The following CSRNP3 variants were observed in gnomAD, a reference collection of about 807,000 sequenced individuals.
CSRNP3 encodes the protein cysteine and serine rich nuclear protein 3.
In CSRNP3, 12 loss-of-function variants were observed where a neutral mutation model predicts 48.0. That is an observed-to-expected ratio of 0.25 (90% CI 0.16 to 0.41). CSRNP3 has a LOEUF of 0.41. CSRNP3 is among the 10% of genes least tolerant of loss of function. CSRNP3 has a pLI of 1.00. For synonymous variants in CSRNP3, 263 were observed against 269.7 expected (o/e 0.98, Z 0.24); for missense variants, 580 against 724.4 (o/e 0.80, Z 2.29).
intron 3 of CSRNP3, among the ~76,000 whole-genome samples, chr2:165,520,790 T>TATATATATATATTATATAC (rs1558923544): frequency 4.3e-4 from 7 of 16,160 alleles, no homozygotes; most frequent in African/African-American, 2.9e-3. Context: ...ATATTATATA[T>TATATATATATATTATATAC]ATATATATAT....
intron 4 of CSRNP3, among the ~76,000 whole-genome samples, chr2:165,625,657 C>T (rs532954287): frequency 6.0e-5 from 9 of 149,588 alleles, no homozygotes; most frequent in Admixed American, 1.3e-4. Context: ...AAAAAAGAAA[C>T]GAAAAATATG....
chr2:165,516,072 C>T (rs139983938), intron 2 of CSRNP3, among the ~76,000 whole-genome samples: 25 of 152,136 alleles, frequency 1.6e-4, no homozygotes, highest in Middle Eastern at 3.4e-3. Context: ...TCCCAAAGTG[C>T]GGGGGTTACA....
At chr2:165,574,246 C>A in intron 3 of CSRNP3, 1 of 711,128 alleles carries the variant, frequency 1.4e-6, no homozygotes, top group Non-Finnish European at 2.3e-6. Flanking sequence ...ACTGCAGAAG[C>A]GAGAGGAGGG....
chr2:165,526,581 A>G (rs1684734605), intron 3 of CSRNP3, among the ~76,000 whole-genome samples: 2 of 152,238 alleles, frequency 1.3e-5, no homozygotes, highest in South Asian at 4.1e-4. Context: ...GCTTTGGGAA[A>G]CAATATAGCA....
At chr2:165,473,589 T>C (rs909579591) in intron 1 of CSRNP3, among the ~76,000 whole-genome samples, 1 of 152,198 alleles carries the variant, frequency 6.6e-6, no homozygotes, top group African/African-American at 2.4e-5. Context: ...TAATACCTGA[T>C]AGTTTAATAC....
At chr2:165,646,832 C>CT (rs952489035) in intron 4 of CSRNP3, among the ~76,000 whole-genome samples, 1 of 151,918 alleles carries the variant, frequency 6.6e-6, no homozygotes, top group Non-Finnish European at 1.5e-5. Context: ...TAACAACTAC[C>CT]TTTTTTTCCC....
In CSRNP3 at chr2:165,504,532, T is replaced by C. The variant is rs1208416781; in HGVS notation, c.-113+9604T>C. Among the ~76,000 whole-genome samples, 9 of 152,084 alleles carry C rather than the reference T, an allele frequency of 5.9e-5. No individual in the cohort carries two copies. The East Asian group carries it at 1.7e-3, about 29-fold the overall frequency. On this transcript the variant is annotated intron_variant, in intron 2 of 6. Transcript: ENST00000651982. ...CTTTCTATAAGAAAATAAAAATAAT[T>C]TTTTCACTTCCATGCCATGTAACAA...
At chr2:165,532,131 CAA>C (rs1240794940) in intron 3 of CSRNP3, among the ~76,000 whole-genome samples, 1 of 152,112 alleles carries the variant, frequency 6.6e-6, no homozygotes, top group Non-Finnish European at 1.5e-5. Flanking sequence ...ACCAGAGGTA[CAA>C]AGAGGAGCTG....
At chr2:165,642,879 T>G (rs1225187594) in intron 4 of CSRNP3, among the ~76,000 whole-genome samples, 1 of 152,192 alleles carries the variant, frequency 6.6e-6, no homozygotes, top group African/African-American at 2.4e-5. Flanking sequence ...TCTTTATGAC[T>G]TTATTTTTCA....
At chr2:165,480,175 TC>T (rs1684021083) in intron 1 of CSRNP3, among the ~76,000 whole-genome samples, 1 of 152,158 alleles carries the variant, frequency 6.6e-6, no homozygotes, top group Non-Finnish European at 1.5e-5. Flanking sequence ...ACAGAGAATC[TC>T]TCTCTCATCG....
At chr2:165,522,298 T>TCAAA (rs141311752) in intron 3 of CSRNP3, among the ~76,000 whole-genome samples, 26,418 of 151,304 alleles carry the variant, frequency 0.17, 2,464 homozygotes, top group Non-Finnish European at 0.2. Context: ...AGGCCTTGTC[T>TCAAA]CAAACAAACA....
rs1382087659 is a variant in CSRNP3, at chr2:165,679,818, T to C, written c.*65T>C. On this transcript the variant is annotated 3_prime_UTR_variant, in exon 7 of 7. Coordinates refer to ENST00000651982, the MANE Select transcript of CSRNP3 (RefSeq NM_001172173.2). ...AGGCACTGTATTTAATTGGATTTCC[T>C]GGGCTCATCATTGTTTAAACTGAAG... 1.3e-6 allele frequency: 2 copies of C among 1,537,720 alleles called. No individual in the cohort carries two copies. Among genetic ancestry groups the C allele is most frequent in the Non-Finnish European group, 1.7e-6 (2 of 1,144,194 alleles).
intron 2 of CSRNP3, among the ~76,000 whole-genome samples, chr2:165,505,257 C>T (rs1246411287): frequency 6.6e-6 from 1 of 151,928 alleles, no homozygotes; most frequent in Non-Finnish European, 1.5e-5. Context: ...AAAGGAAAAC[C>T]CATTTATTTC....
intron 4 of CSRNP3, among the ~76,000 whole-genome samples, chr2:165,603,958 TAGGC>T (rs1239117147): frequency 6.6e-6 from 1 of 152,210 alleles, no homozygotes; most frequent in Non-Finnish European, 1.5e-5. Context: ...TTTACCCTAA[TAGGC>T]AGGGCTCTCA....
chr2:165,492,276 A>T (rs1396443832), intron 1 of CSRNP3, among the ~76,000 whole-genome samples: 54 of 152,186 alleles, frequency 3.5e-4, no homozygotes, highest in Non-Finnish European at 1.6e-4. Context: ...AATGTAAGCT[A>T]GATCTTGGCA....
chr2:165,601,639 T>G (rs920993730), intron 4 of CSRNP3, among the ~76,000 whole-genome samples: 1 of 152,146 alleles, frequency 6.6e-6, no homozygotes, highest in African/African-American at 2.4e-5. Flanking sequence ...ACAATCTGTT[T>G]GCTTCCTTCC....
At position 165,656,498 on chromosome 2, in the gene CSRNP3, A is replaced by G. The variant is rs562474418; in HGVS notation, c.149-1263A>G. On this transcript the variant is annotated intron_variant, in intron 4 of 6. Coordinates refer to ENST00000651982, the MANE Select transcript of CSRNP3 (RefSeq NM_001172173.2). Reference sequence around the variant, plus strand: ...ATTTTCACAGCACATACATATATCAAAGCATCACACTGGGCATCATAAATA... The same window carrying G: ...ATTTTCACAGCACATACATATATCAGAGCATCACACTGGGCATCATAAATA... Among the ~76,000 whole-genome samples the G allele has an allele frequency of 4.6e-5, 7 of 152,288 alleles. No individual in the cohort carries two copies. The South Asian group carries it at 1.2e-3, about 27-fold the overall frequency.
At chr2:165,667,098 A>AG (rs778252122) in intron 5 of CSRNP3, among the ~76,000 whole-genome samples, 63 of 12,060 alleles carry the variant, frequency 5.2e-3, no homozygotes, top group African/African-American at 0.015. Flanking sequence ...AGAGAGAGAG[A>AG]AAAGGAAGGA....
chr2:165,504,031 CT>C (rs1400886390), intron 2 of CSRNP3, among the ~76,000 whole-genome samples: 2 of 151,856 alleles, frequency 1.3e-5, no homozygotes, highest in African/African-American at 4.8e-5. Context: ...GAAAAATATT[CT>C]TCCTAATATA....
Sources: gnomAD v4.1 joint callset for allele counts (sites outside exome capture counted in the v4.1 genomes callset) on GRCh38, gnomAD v4.1.1 for gene constraint, MANE v1.5 for transcripts, NCBI Gene and HGNC (gene_info 2026-07-23, HGNC 2026-07-21) for gene names.